The following EXOC2 variants were observed in gnomAD, a reference collection of about 807,000 sequenced individuals.
EXOC2 encodes the protein exocyst complex component 2, also known as SEC5-like 1.
In EXOC2, 70 loss-of-function variants were observed where a neutral mutation model predicts 131.8. The ratio of observed to expected loss-of-function variants is 0.53; its 90% CI spans 0.44 to 0.65. The LOEUF is 0.65. Among genes scored for constraint, EXOC2 ranks in the 30% least tolerant of loss-of-function variants. EXOC2 has a pLI of 0.00. For synonymous variants in EXOC2, 411 were observed against 398.4 expected (o/e 1.03, Z -0.38); for missense variants, 923 against 1,108.6 (o/e 0.83, Z 2.38).
At chr6:645,180 C>T (rs1296296311) in intron 1 of EXOC2, among the ~76,000 whole-genome samples, 5 of 150,544 alleles carry the variant, frequency 3.3e-5, no homozygotes, top group Non-Finnish European at 1.5e-5. Context: ...TGACAAGGCA[C>T]CAAAGTAATT....
chr6:676,317 A>G (rs368911941), intron 1 of EXOC2, among the ~76,000 whole-genome samples: 236 of 73,932 alleles, frequency 3.2e-3, no homozygotes, highest in Non-Finnish European at 4.2e-3. Context: ...ATACTCTTCA[A>G]CATTACGGAA....
At chr6:650,875 A>T (rs913043330) in intron 1 of EXOC2, among the ~76,000 whole-genome samples, 2 of 152,232 alleles carry the variant, frequency 1.3e-5, no homozygotes, top group Admixed American at 1.3e-4. Context: ...CTAGTAAAAA[A>T]TATCTTTTAT....
chr6:574,197 A>G (rs1298579091), intron 12 of EXOC2, among the ~76,000 whole-genome samples: 3 of 152,214 alleles, frequency 2.0e-5, no homozygotes, highest in African/African-American at 7.2e-5. Context: ...CTGTATACCT[A>G]TATCATTTAG....
intron 17 of EXOC2, among the ~76,000 whole-genome samples, chr6:561,304 A>G (rs369434337): frequency 3.9e-5 from 6 of 152,256 alleles, no homozygotes; most frequent in East Asian, 3.9e-4. Context: ...AATTCCACCA[A>G]TGGTGGAACT....
intron 23 of EXOC2, among the ~76,000 whole-genome samples, chr6:505,332 G>A (rs1033831166): frequency 2.0e-5 from 3 of 152,168 alleles, no homozygotes; most frequent in Non-Finnish European, 4.4e-5. Flanking sequence ...GATGGCTGGG[G>A]AAGACTTTGC....
intron 12 of EXOC2, among the ~76,000 whole-genome samples, chr6:573,412 G>A (rs1150810): frequency 0.25 from 38,116 of 151,798 alleles, 4,882 homozygotes; most frequent in Non-Finnish European, 0.26. Flanking sequence ...CCTGCCTCCC[G>A]CCCCGCACTC....
intron 22 of EXOC2, among the ~76,000 whole-genome samples, chr6:542,609 A>G (rs1057153241): frequency 6.6e-6 from 1 of 152,242 alleles, no homozygotes; most frequent in Non-Finnish European, 1.5e-5. Flanking sequence ...GAATGGTTCT[A>G]TAACCACTTA....
chr6:495,108 C>T (rs1047954770), intron 25 of EXOC2, among the ~76,000 whole-genome samples: 11 of 145,334 alleles, frequency 7.6e-5, no homozygotes, highest in African/African-American at 1.1e-4. Flanking sequence ...AGGCTCCTCT[C>T]GAACCCATGG....
At chr6:641,731 A>G (rs1762361412) in intron 1 of EXOC2, among the ~76,000 whole-genome samples, 1 of 152,074 alleles carries the variant, frequency 6.6e-6, no homozygotes, top group East Asian at 1.9e-4. Flanking sequence ...GTCTGAATCA[A>G]AAATCAACTA....
chr6:652,738 G>A (rs978927951), intron 1 of EXOC2, among the ~76,000 whole-genome samples: 7 of 152,132 alleles, frequency 4.6e-5, no homozygotes, highest in African/African-American at 1.7e-4. Context: ...ATGGAAACCT[G>A]ATTTATCCAA....
intron 6 of EXOC2, among the ~76,000 whole-genome samples, chr6:614,105 C>T (rs991645314): frequency 1.3e-5 from 2 of 152,072 alleles, no homozygotes; most frequent in East Asian, 1.9e-4. Context: ...GGCCTTTGTC[C>T]TTAGGTCCTG....
intron 22 of EXOC2, among the ~76,000 whole-genome samples, chr6:545,977 GTTTC>G (rs1174367365): frequency 2.0e-5 from 3 of 151,966 alleles, no homozygotes; most frequent in Non-Finnish European, 2.9e-5. Flanking sequence ...TCAGAAAAAT[GTTTC>G]TTTTTTTCTC....
chr6:644,231 G>A (rs1185469364), intron 1 of EXOC2, among the ~76,000 whole-genome samples: 2 of 152,040 alleles, frequency 1.3e-5, no homozygotes, highest in East Asian at 3.8e-4. Flanking sequence ...CATATTAAAA[G>A]TAAAGGAAAA....
At chr6:492,601 A>G (rs113608863) in intron 25 of EXOC2, among the ~76,000 whole-genome samples, 5,082 of 152,324 alleles carry the variant, frequency 0.033, 211 homozygotes, top group South Asian at 0.21. Flanking sequence ...ATGTCACAAC[A>G]TGGATGAACC....
intron 15 of EXOC2, among the ~76,000 whole-genome samples, 185 bp from the exon 16 acceptor site, chr6:564,339 T>C (rs1259321163): frequency 1.3e-5 from 2 of 152,114 alleles, no homozygotes; most frequent in Non-Finnish European, 2.9e-5. Flanking sequence ...ACGGAGAAGA[T>C]GCGTAAACTC....
chr6:607,052 G>A (rs1397558031), intron 7 of EXOC2, among the ~76,000 whole-genome samples: 2 of 152,190 alleles, frequency 1.3e-5, no homozygotes, highest in African/African-American at 4.8e-5. Context: ...CAGTGTGGCT[G>A]ATCATCCAGA....
At chr6:499,998 T>G (rs923760982) in intron 23 of EXOC2, among the ~76,000 whole-genome samples, 3 of 151,902 alleles carry the variant, frequency 2.0e-5, no homozygotes, top group Non-Finnish European at 1.5e-5. Context: ...CTTCAGTTTC[T>G]TCACGCACAC....
Position 553,915 on chromosome 6 carries a change from G to C in EXOC2, c.2060C>G (p.Ser687Cys), listed in dbSNP as rs368045387. 5.0e-6 allele frequency: 8 copies of C among 1,613,690 alleles called. No homozygotes were observed. The highest frequency in any genetic ancestry group is 1.3e-5 in the African/African-American group (1 of 74,920). ...CAAGTCAGGGGAAGAAACATCAACAGAGAGACTGAACATAGAAGCAAGTAG... is the reference window on the plus strand; with the variant it reads ...CAAGTCAGGGGAAGAAACATCAACACAGAGACTGAACATAGAAGCAAGTAG... ...PDADIDTTHLSVDVSSPDLFG... is the reference protein window; with the variant it reads ...PDADIDTTHLCVDVSSPDLFG... The change falls in exon 21 of 28, where the codon TCT (serine) becomes TGT (cysteine). Residue 687 changes from serine (S) to cysteine (C), a missense_variant. By Grantham distance (112) the Ser-to-Cys change is moderately radical. Transcript: ENST00000230449.
intron 23 of EXOC2, among the ~76,000 whole-genome samples, chr6:530,208 T>C (rs1765996196): frequency 6.6e-6 from 1 of 152,212 alleles, no homozygotes; most frequent in African/African-American, 2.4e-5. Flanking sequence ...TGTACTTTCC[T>C]ACTGAGAAAA....
Sources: allele counts gnomAD v4.1 joint callset (sites outside exome capture counted in the v4.1 genomes callset), GRCh38; gene constraint gnomAD v4.1.1; transcripts MANE v1.5; gene names NCBI Gene and HGNC (gene_info 2026-07-23, HGNC 2026-07-21).